The following ZMAT4 variants were observed in gnomAD, a reference collection of about 807,000 sequenced individuals.
ZMAT4 encodes zinc finger matrin-type protein 4.
Under a neutral mutation model 28.7 loss-of-function variants are expected in ZMAT4, and 17 were observed. The observed-to-expected ratio is 0.59, with a 90% confidence interval of 0.41 to 0.89. The LOEUF (loss-of-function observed/expected upper bound fraction) is 0.89. Ranked by LOEUF, ZMAT4 falls within the 40% of genes least tolerant of loss-of-function variation. ZMAT4 has a pLI of 0.00. For synonymous variants in ZMAT4, 117 were observed against 109.2 expected, an observed-to-expected ratio of 1.07 and a Z score of -0.44; for missense variants, 240 against 283.8, an observed-to-expected ratio of 0.85 and a Z score of 1.11.
chr8:40,835,875 A>G (rs1166516237), intron 1 of ZMAT4, among the ~76,000 whole-genome samples: 1 of 152,216 alleles, frequency 6.6e-6, no homozygotes, highest in Non-Finnish European at 1.5e-5. Flanking sequence ...GGCTTCTCCA[A>G]GGAATTCTAA....
At chr8:40,823,773 A>G (rs2150610001) in intron 2 of ZMAT4, among the ~76,000 whole-genome samples, 1 of 152,278 alleles carries the variant, frequency 6.6e-6, no homozygotes, top group East Asian at 1.9e-4. Context: ...TTAATTTCAA[A>G]CGATGGACTT....
chr8:40,849,898 T>C (rs1179769374), intron 1 of ZMAT4, among the ~76,000 whole-genome samples: 8 of 152,158 alleles, frequency 5.3e-5, no homozygotes, highest in African/African-American at 1.7e-4. Context: ...GCAAGTGTGC[T>C]GCCCCGGAGG....
intron 1 of ZMAT4, among the ~76,000 whole-genome samples, chr8:40,877,822 C>T (rs992093415): frequency 2.0e-5 from 3 of 152,152 alleles, no homozygotes; most frequent in African/African-American, 7.2e-5. Context: ...ATTATAGCTG[C>T]TGTTTGGAAC....
chr8:40,797,698 A>G (rs1489082346), intron 2 of ZMAT4, among the ~76,000 whole-genome samples: 1 of 152,222 alleles, frequency 6.6e-6, no homozygotes, highest in East Asian at 1.9e-4. Context: ...AAATGACAGG[A>G]TGCACAGAAA....
intron 1 of ZMAT4, among the ~76,000 whole-genome samples, chr8:40,827,491 G>T (rs931439045): frequency 1.3e-5 from 2 of 152,154 alleles, no homozygotes; most frequent in Admixed American, 6.5e-5. Context: ...CATTCATAAA[G>T]TATCTGCCTG....
At chr8:40,672,210 T>C (rs1808703440) in intron 5 of ZMAT4, among the ~76,000 whole-genome samples, 1 of 152,214 alleles carries the variant, frequency 6.6e-6, no homozygotes, top group African/African-American at 2.4e-5. Flanking sequence ...AGCTGCCTGA[T>C]ACCATTTTAT....
intron 6 of ZMAT4, among the ~76,000 whole-genome samples, chr8:40,562,596 C>G (rs1210372669): frequency 6.6e-6 from 1 of 152,058 alleles, no homozygotes; most frequent in Non-Finnish European, 1.5e-5. Flanking sequence ...GGGGCACTCT[C>G]CCTCATACAG....
chr8:40,636,667 A>C (rs1806803615), intron 5 of ZMAT4, among the ~76,000 whole-genome samples: 1 of 152,224 alleles, frequency 6.6e-6, no homozygotes, highest in Non-Finnish European at 1.5e-5. Context: ...TGTAATTAAA[A>C]GGTGGAGCTT....
At chr8:40,882,382 C>G (rs1221707743) in intron 1 of ZMAT4, among the ~76,000 whole-genome samples, 1 of 152,196 alleles carries the variant, frequency 6.6e-6, no homozygotes, top group African/African-American at 2.4e-5. Flanking sequence ...GCAACGCTAC[C>G]TTGTTCCTCT....
intron 3 of ZMAT4, among the ~76,000 whole-genome samples, chr8:40,713,540 A>C (rs1198601110): frequency 6.6e-6 from 1 of 152,206 alleles, no homozygotes; most frequent in African/African-American, 2.4e-5. Context: ...GAACACTTGC[A>C]AAGCGTTAAA....
chr8:40,753,099 T>A (rs1326566714), intron 3 of ZMAT4, among the ~76,000 whole-genome samples: 6 of 131,172 alleles, frequency 4.6e-5, no homozygotes, highest in African/African-American at 8.4e-5. Context: ...CCCCTCCCTG[T>A]GTCCATGTGT....
chr8:40,545,222 T>C (rs908770481), intron 6 of ZMAT4, among the ~76,000 whole-genome samples: 13 of 152,138 alleles, frequency 8.5e-5, no homozygotes, highest in African/African-American at 2.9e-4. Context: ...AGCCTTAAGA[T>C]GATGATGGCC....
chr8:40,662,513 C>T (rs1317231270), intron 5 of ZMAT4, among the ~76,000 whole-genome samples: 1 of 152,092 alleles, frequency 6.6e-6, no homozygotes, highest in African/African-American at 2.4e-5. Context: ...TTTTAGAAGC[C>T]AAGCTCTCAT....
At chr8:40,693,658 C>T (rs185597235) in intron 4 of ZMAT4, among the ~76,000 whole-genome samples, 1 of 152,256 alleles carries the variant, frequency 6.6e-6, no homozygotes, top group East Asian at 1.9e-4. Context: ...CTGGATCATC[C>T]CTGTTATAAC....
intron 2 of ZMAT4, among the ~76,000 whole-genome samples, chr8:40,812,312 G>C (rs76985978): frequency 6.6e-6 from 1 of 152,094 alleles, no homozygotes; most frequent in Admixed American, 6.5e-5. Context: ...TCGATAGCAC[G>C]TACTCTTGAT....
chr8:40,861,185 C>T (rs2150644611), intron 1 of ZMAT4, among the ~76,000 whole-genome samples: 1 of 152,288 alleles, frequency 6.6e-6, no homozygotes, highest in Middle Eastern at 3.4e-3. Flanking sequence ...AGCACTTGGT[C>T]CAGTACCTGG....
intron 2 of ZMAT4, among the ~76,000 whole-genome samples, chr8:40,772,578 C>T (rs1476846032): frequency 1.3e-5 from 2 of 151,230 alleles, no homozygotes; most frequent in Non-Finnish European, 3.0e-5. Flanking sequence ...TTGCATAATG[C>T]TTCAGGCAGT....
intron 5 of ZMAT4, among the ~76,000 whole-genome samples, chr8:40,646,272 C>G (rs750969956): frequency 2.3e-4 from 35 of 150,970 alleles, no homozygotes; most frequent in Non-Finnish European, 1.9e-4. Context: ...TCTCTTCGTG[C>G]TTTTTTTCAT....
chr8:40,847,218 C>CAAA (rs3070386), intron 1 of ZMAT4, among the ~76,000 whole-genome samples: 3 of 120,438 alleles, frequency 2.5e-5, no homozygotes, highest in African/African-American at 3.1e-5. Flanking sequence ...AACAAACAAA[C>CAAA]AAAAAAAAAA....
Sources: gnomAD v4.1 joint callset for allele counts (sites outside exome capture counted in the v4.1 genomes callset) on GRCh38, gnomAD v4.1.1 for gene constraint, MANE v1.5 for transcripts, NCBI Gene and HGNC (gene_info 2026-07-23, HGNC 2026-07-21) for gene names.